GFRA2: variants seen among roughly 807,000 people sequenced by gnomAD.
GFRA2 encodes GDNF family receptor alpha 2.
GFRA2 carries 17 observed loss-of-function variants against 48.3 expected under a neutral mutation model. The observed-to-expected ratio is 0.35, with a 90% CI of 0.24 to 0.53. The LOEUF is 0.53. Ranked by LOEUF, GFRA2 falls within the 20% of genes least tolerant of loss-of-function variation. The probability of loss-of-function intolerance (pLI) is 0.93; values close to 1 mark genes in which losing one functional copy is unlikely to be tolerated. For synonymous variants in GFRA2, 305 were observed against 257.2 expected, an observed-to-expected ratio of 1.19 and a Z score of -1.78; for missense variants, 660 against 637.3, an observed-to-expected ratio of 1.04 and a Z score of -0.38.
chr8:21,786,667 C>T (rs1807282669), intron 1 of GFRA2, among the ~76,000 whole-genome samples: 1 of 152,174 alleles, frequency 6.6e-6, no homozygotes, highest in South Asian at 2.1e-4. Context: ...ACCTCTGAGG[C>T]CACACCCTAG....
rs528825898 is a variant in GFRA2, at chr8:21,715,627, A to T, written c.795-9586T>A. 1.3e-3 allele frequency among the ~76,000 whole-genome samples: 191 copies of T among 151,704 alleles called. 1 individual carries two copies. The highest frequency in any genetic ancestry group is 4.5e-3 in the African/African-American group (183 of 41,040). On this transcript the variant is annotated intron_variant, in intron 4 of 8. Transcript: ENST00000524240. ...CCTCCTGGGCCCAGGGGGAAACATG[A>T]CCTGGGCTGGGAAGCCACGGCACCC...
intron 6 of GFRA2, 51 bp from the exon 7 acceptor site, chr8:21,703,028 A>C: frequency 8.4e-7 from 1 of 1,196,680 alleles, no homozygotes; most frequent in Non-Finnish European, 1.1e-6. Context: ...CACGTCCGTC[A>C]CTCCTGTCCC....
chr8:21,785,193 C>T (rs1236621711), intron 1 of GFRA2, among the ~76,000 whole-genome samples: 1 of 152,134 alleles, frequency 6.6e-6, no homozygotes, highest in Non-Finnish European at 1.5e-5. Context: ...CATAAGGACG[C>T]TTTTTTTGCT....
At chr8:21,734,809 A>AT (rs755595255) in intron 4 of GFRA2, among the ~76,000 whole-genome samples, 2 of 152,110 alleles carry the variant, frequency 1.3e-5, no homozygotes, top group Non-Finnish European at 2.9e-5. Context: ...GATCTTTTAT[A>AT]TCTCCTCTGT....
chr8:21,719,671 G>C (rs192608366), intron 4 of GFRA2, among the ~76,000 whole-genome samples: 1 of 152,290 alleles, frequency 6.6e-6, no homozygotes, highest in East Asian at 1.9e-4. Flanking sequence ...CCTTGAGCTA[G>C]GTAGCCAGCC....
At chr8:21,744,519 A>T (rs1585285786) in intron 4 of GFRA2, among the ~76,000 whole-genome samples, 1 of 143,518 alleles carries the variant, frequency 7.0e-6, no homozygotes, top group South Asian at 2.2e-4. Flanking sequence ...GAACAACAGA[A>T]TCATCCTCCC....
Position 21,693,405 on chromosome 8 carries a change from G to T in GFRA2, c.1273-5C>A. On this transcript the variant is annotated splice_polypyrimidine_tract_variant and splice_region_variant and intron_variant, in intron 8 of 8. Coordinates refer to ENST00000524240, the MANE Select transcript of GFRA2 (RefSeq NM_001495.5). ...TGGGATGATATTTGTCGTGAGCTGAGTCCGCAGCAGGAGAAGAATCAGGAA... is the reference window on the plus strand; with the variant it reads ...TGGGATGATATTTGTCGTGAGCTGATTCCGCAGCAGGAGAAGAATCAGGAA... The T allele has an allele frequency of 6.2e-7, 1 of 1,603,390 alleles. No homozygotes were observed.
intron 3 of GFRA2, among the ~76,000 whole-genome samples, chr8:21,751,871 G>A (rs911977946): frequency 6.6e-6 from 1 of 152,102 alleles, no homozygotes; most frequent in East Asian, 1.9e-4. Flanking sequence ...CGCAAGAGGA[G>A]GGCCCACTCT....
At chr8:21,783,159 A>G (rs7843020) in intron 1 of GFRA2, 193,514 of 646,530 alleles carry the variant, frequency 0.3, 30,930 homozygotes, top group East Asian at 0.45. Flanking sequence ...GCACAGCACA[A>G]TAAAGCCAGG....
intron 4 of GFRA2, among the ~76,000 whole-genome samples, chr8:21,746,048 G>C (rs1474364526): frequency 2.0e-5 from 3 of 152,222 alleles, no homozygotes; most frequent in African/African-American, 7.2e-5. Flanking sequence ...GGTCCCTACA[G>C]ATGACTTGGT....
chr8:21,800,583 A>G (rs1306205117), intron 2 of GFRA2, among the ~76,000 whole-genome samples: 1 of 152,182 alleles, frequency 6.6e-6, no homozygotes, highest in African/African-American at 2.4e-5. Flanking sequence ...GAAGCCCTCT[A>G]TCCTTCACAC....
chr8:21,691,011 G>T lies in GFRA2; in HGVS notation c.*2267C>A, dbSNP rs1801864617. 6.6e-6 allele frequency: 1 copy of T among 152,328 alleles called. No homozygotes were observed. Among genetic ancestry groups the T allele is most frequent in the Middle Eastern group, 3.4e-3 (1 of 294 alleles). 9.4% of individuals were successfully genotyped at this position (152,328 alleles called of 1,614,324 possible). Reference sequence around the variant, plus strand: ...GCTCACTGTACCCCTTCCATGCAGAGGCTGGAAGGCAATACACCACAGTGA... The same window carrying T: ...GCTCACTGTACCCCTTCCATGCAGATGCTGGAAGGCAATACACCACAGTGA... On this transcript the variant is annotated 3_prime_UTR_variant, in exon 9 of 9. Coordinates refer to ENST00000524240, the MANE Select transcript of GFRA2 (RefSeq NM_001495.5).
chr8:21,731,776 G>A (rs747386080), intron 4 of GFRA2, among the ~76,000 whole-genome samples: 22 of 152,314 alleles, frequency 1.4e-4, no homozygotes, highest in Non-Finnish European at 2.5e-4. Flanking sequence ...GCAGCAAGAA[G>A]TGACAGCAAA....
chr8:21,725,206 T>C (rs760494975), intron 4 of GFRA2, among the ~76,000 whole-genome samples: 8 of 152,360 alleles, frequency 5.3e-5, no homozygotes, highest in Non-Finnish European at 1.2e-4. Flanking sequence ...AGAAGATTCC[T>C]GACTTCCTCT....
chr8:21,794,274 A>C (rs1807630423), intron 2 of GFRA2, among the ~76,000 whole-genome samples: 1 of 111,010 alleles, frequency 9.0e-6, no homozygotes, highest in Non-Finnish European at 1.7e-5. Flanking sequence ...ACGGAGTCTC[A>C]CTCTGTCGCC....
Position 21,732,216 on chromosome 8 carries a change from G to T in GFRA2, c.794+18372C>A, listed in dbSNP as rs141534428. ...AGATGTGTTTTCCCTTCGCCTTCTTGTGTCCCTTCCAGGGGACAAACAGGA... is the reference window on the plus strand; with the variant it reads ...AGATGTGTTTTCCCTTCGCCTTCTTTTGTCCCTTCCAGGGGACAAACAGGA... On this transcript the variant is annotated intron_variant, in intron 4 of 8. Transcript: ENST00000524240. Among the ~76,000 whole-genome samples, 172 of 152,358 alleles carry T rather than the reference G, an allele frequency of 1.1e-3. 1 individual carries two copies. The East Asian group carries it at 0.03, about 26-fold the overall frequency.
intron 7 of GFRA2, among the ~76,000 whole-genome samples, chr8:21,695,299 G>T (rs6992903): frequency 0.056 from 8,453 of 152,196 alleles, 468 homozygotes; most frequent in African/African-American, 0.14. Flanking sequence ...GGAACCAGCT[G>T]GGGATGCAGC....
chr8:21,740,660 C>T (rs763399270), intron 4 of GFRA2, among the ~76,000 whole-genome samples: 18 of 152,358 alleles, frequency 1.2e-4, no homozygotes, highest in Non-Finnish European at 5.9e-5. Flanking sequence ...GAGAATCCTA[C>T]CCATTCCTCT....
At chr8:21,790,177 G>C, upstream of GFRA2, 1 of 842,226 alleles carries the variant, frequency 1.2e-6, no homozygotes, top group African/African-American at 1.8e-5. Flanking sequence ...TCACGTTCCG[G>C]CGAGAGCGGG....
Sources: allele counts gnomAD v4.1 joint callset (sites outside exome capture counted in the v4.1 genomes callset), GRCh38; gene constraint gnomAD v4.1.1; transcripts MANE v1.5; gene names NCBI Gene and HGNC (gene_info 2026-07-23, HGNC 2026-07-21).